IQCH: variants seen among roughly 807,000 people sequenced by gnomAD.
IQCH encodes IQ motif containing H.
A neutral mutation model predicts 117.0 loss-of-function variants in IQCH; 98 were observed. That is an observed-to-expected ratio of 0.84 (90% CI 0.71 to 0.99). The LOEUF is 0.99. IQCH is among the 50% of genes least tolerant of loss of function. The probability of loss-of-function intolerance (pLI) is 0.00; values close to 1 mark genes in which losing one functional copy is unlikely to be tolerated. For synonymous variants in IQCH, 412 were observed against 448.2 expected, an observed-to-expected ratio of 0.92 and a Z score of 1.02; for missense variants, 1,102 against 1,243.8, an observed-to-expected ratio of 0.89 and a Z score of 1.72.
Position 67,357,352 on chromosome 15 carries a change from C to CA in IQCH, c.646dup (p.Thr216AsnfsTer34), listed in dbSNP as rs775293136. On this transcript the variant is annotated frameshift_variant, in exon 7 of 21. Transcript: ENST00000335894. LOFTEE classifies it high-confidence loss of function. ...TACTATCTTCATCCACAGCCACTTT[C>CA]ACTATACCTCGGGAACCACCTCCAT... 3.7e-6 allele frequency: 6 copies of CA among 1,605,836 alleles called. No homozygotes were observed. The South Asian group carries it at 5.5e-5, about 15-fold the overall frequency.
chr15:67,461,756 T>G (rs2082800613), intron 16 of IQCH, among the ~76,000 whole-genome samples: 1 of 152,178 alleles, frequency 6.6e-6, no homozygotes, highest in Non-Finnish European at 1.5e-5. Flanking sequence ...TCTCAGTGTC[T>G]TCATCTGTAA....
At position 67,400,123 on chromosome 15, in the gene IQCH, C is replaced by T; in HGVS notation, c.1915C>T (p.Gln639Ter). 2 of 1,613,410 alleles carry T rather than the reference C, an allele frequency of 1.2e-6. No individual in the cohort carries two copies. The highest frequency in any genetic ancestry group is 1.7e-6 in the Non-Finnish European group (2 of 1,179,568). ...DIYSQQQMIEQLSQLITDHLQ... is the reference protein window; with the variant it reads ...DIYSQQQMIE The stretch of plus-strand genomic sequence containing the variant: ...GTCTTTGGCCTCACAGATGATAGAG[C>T]AGCTGAGTCAGCTGATAACTGATCA... The change falls in exon 14 of 21, where the codon CAG (glutamine) becomes TAG (stop). Residue 639 changes from glutamine (Q) to a stop codon, truncating the protein, a stop_gained. Transcript: ENST00000335894. LOFTEE classifies it high-confidence loss of function.
At chr15:67,306,705 G>A (rs557197604) in intron 4 of IQCH, 5 of 735,568 alleles carry the variant, frequency 6.8e-6, no homozygotes. Flanking sequence ...TTTATATCCT[G>A]TGACTCTGTT....
At chr15:67,444,190 A>G (rs989963092) in intron 16 of IQCH, among the ~76,000 whole-genome samples, 2 of 152,168 alleles carry the variant, frequency 1.3e-5, no homozygotes, top group African/African-American at 4.8e-5. Context: ...CACATCTCCT[A>G]TTTTTTTAAT....
At position 67,476,803 on chromosome 15, in the gene IQCH, C is replaced by G. The variant is rs1269364324; in HGVS notation, c.2799+985C>G. ...AGGGCCATTCTAAGACCCTGAGTAA[C>G]CCTGTACACTCTTACTTATGGAAGA... On this transcript the variant is annotated intron_variant, in intron 18 of 20. Coordinates refer to ENST00000335894, the MANE Select transcript of IQCH (RefSeq NM_001031715.3). This position sits in a 1 kb window ranked among gnomAD's most constrained non-coding sequence, Gnocchi z 4.1. Among the ~76,000 whole-genome samples, 1 of 152,114 alleles carries G rather than the reference C, an allele frequency of 6.6e-6. No homozygotes were observed. Among genetic ancestry groups the G allele is most frequent in the Non-Finnish European group, 1.5e-5 (1 of 68,024 alleles).
At chr15:67,470,650 G>A (rs2141034276) in intron 17 of IQCH, among the ~76,000 whole-genome samples, 1 of 152,264 alleles carries the variant, frequency 6.6e-6, no homozygotes, top group South Asian at 2.1e-4. Flanking sequence ...CTAAAAATAT[G>A]CATGAAATAT....
intron 4 of IQCH, among the ~76,000 whole-genome samples, chr15:67,299,691 A>G (rs922752155): frequency 6.6e-6 from 1 of 152,126 alleles, no homozygotes; most frequent in African/African-American, 2.4e-5. Flanking sequence ...TTGCAATCCC[A>G]TGATGCCATT....
intron 18 of IQCH, among the ~76,000 whole-genome samples, chr15:67,486,395 T>G (rs2083480838): frequency 6.6e-6 from 1 of 151,926 alleles, no homozygotes; most frequent in South Asian, 2.1e-4. Flanking sequence ...TTTAAAGTAT[T>G]GAAAGGAAAG....
intron 5 of IQCH, among the ~76,000 whole-genome samples, chr15:67,340,400 C>G (rs1261636274): frequency 8.9e-6 from 1 of 112,720 alleles, no homozygotes; most frequent in Non-Finnish European, 1.7e-5. Flanking sequence ...GCACTCCAGC[C>G]TGGGCAACAG....
chr15:67,261,921 A>C (rs1596051329), intron 2 of IQCH, among the ~76,000 whole-genome samples: 2 of 152,106 alleles, frequency 1.3e-5, no homozygotes, highest in African/African-American at 4.8e-5. Flanking sequence ...CCCTGTCTCT[A>C]CAAAAATTTT....
In IQCH at chr15:67,463,424, T is replaced by C. The variant is rs2082847989; in HGVS notation, c.2506-1703T>C. On this transcript the variant is annotated intron_variant, in intron 16 of 20. Transcript: ENST00000335894. This position sits in a 1 kb window ranked among gnomAD's most constrained non-coding sequence, Gnocchi z 4.0. ...GGAGAACTGTTACATAGGATAAGGA[T>C]TGGCTGGGCCAGAATCAGGGAATGG... Among the ~76,000 whole-genome samples, 2 of 152,190 alleles carry C rather than the reference T, an allele frequency of 1.3e-5. No homozygotes were observed. The highest frequency in any genetic ancestry group is 2.9e-5 in the Non-Finnish European group (2 of 68,028).
chr15:67,367,408 A>G (rs532647905), intron 8 of IQCH, among the ~76,000 whole-genome samples: 3 of 151,906 alleles, frequency 2.0e-5, no homozygotes, highest in Non-Finnish European at 2.9e-5. Flanking sequence ...GCGTCATGAC[A>G]TGTGCCAGTA....
chr15:67,309,070 G>C (rs1312970976), intron 4 of IQCH, among the ~76,000 whole-genome samples: 1 of 152,002 alleles, frequency 6.6e-6, no homozygotes, highest in Non-Finnish European at 1.5e-5. Flanking sequence ...ACTAGACCGG[G>C]ATCTCCCAGA....
chr15:67,308,250 A>G (rs956735289), intron 4 of IQCH, among the ~76,000 whole-genome samples: 1 of 152,030 alleles, frequency 6.6e-6, no homozygotes, highest in Non-Finnish European at 1.5e-5. Flanking sequence ...GTGGGTATTC[A>G]CTCAAGTTCT....
At chr15:67,268,778 AGAGAGAG>A (rs1036356913) in intron 3 of IQCH, among the ~76,000 whole-genome samples, 6 of 152,100 alleles carry the variant, frequency 3.9e-5, no homozygotes, top group East Asian at 1.9e-4. Flanking sequence ...CTAGTCACAG[AGAGAGAG>A]GAGAGAGGAG....
Position 67,417,135 on chromosome 15 carries a change from A to G in IQCH, c.2218+84A>G, listed in dbSNP as rs2081597239. 1 of 1,171,358 alleles carries G rather than the reference A, an allele frequency of 8.5e-7. No individual in the cohort carries two copies. Among genetic ancestry groups the G allele is most frequent in the Admixed American group, 2.7e-5 (1 of 36,590 alleles). The allele number at this position is 1,171,358 out of a possible 1,614,324, so 72.6% of individuals were successfully genotyped here. ...TTTGGGTCAACTGGGGCCAATTTAA[A>G]TACTTTGCATCTCCTGTGTTGGTTT... On this transcript the variant is annotated intron_variant, in intron 15 of 20. Transcript: ENST00000335894. This position sits in a 1 kb window ranked among gnomAD's most constrained non-coding sequence, Gnocchi z 4.3.
At chr15:67,311,949 C>G (rs1021919791) in intron 4 of IQCH, among the ~76,000 whole-genome samples, 2 of 152,106 alleles carry the variant, frequency 1.3e-5, no homozygotes, top group South Asian at 2.1e-4. Context: ...AGGAAGAGAG[C>G]CTTTGCACTG....
chr15:67,299,859 G>A (rs971185389), intron 4 of IQCH, among the ~76,000 whole-genome samples: 9 of 152,044 alleles, frequency 5.9e-5, no homozygotes, highest in Admixed American at 2.6e-4. Context: ...ATATCAAGAC[G>A]CAATTTCTTT....
At chr15:67,492,869 G>A (rs2083699634) in intron 19 of IQCH, among the ~76,000 whole-genome samples, 1 of 152,170 alleles carries the variant, frequency 6.6e-6, no homozygotes, top group African/African-American at 2.4e-5. Flanking sequence ...CCTGTTTCAT[G>A]AACAGAGAAA....
Sources: gnomAD v4.1 joint callset for allele counts (sites outside exome capture counted in the v4.1 genomes callset) on GRCh38, gnomAD v4.1.1 for gene constraint, Gnocchi (gnomAD v3.1) non-coding constraint, MANE v1.5 for transcripts, NCBI Gene and HGNC (gene_info 2026-07-23, HGNC 2026-07-21) for gene names.